The following PRKG1 variants were observed in gnomAD, a reference collection of about 807,000 sequenced individuals.
PRKG1 encodes the protein protein kinase cGMP-dependent 1, also known as cGMP-dependent protein kinase 1.
In PRKG1, 35 loss-of-function variants were observed where a neutral mutation model predicts 88.1. That is an observed-to-expected ratio of 0.40 (90% CI 0.30 to 0.53). The LOEUF is 0.53. PRKG1 is among the 20% of genes least tolerant of loss of function. The probability of loss-of-function intolerance (pLI) is 0.59; values close to 1 mark genes in which losing one functional copy is unlikely to be tolerated. For missense variants in PRKG1, 540 were observed against 839.8 expected, an observed-to-expected ratio of 0.64 and a Z score of 4.41; for synonymous variants, 303 against 292.5, an observed-to-expected ratio of 1.04 and a Z score of -0.37.
intron 2 of PRKG1, among the ~76,000 whole-genome samples, chr10:51,246,070 GT>G (rs1232426494): frequency 6.6e-6 from 1 of 152,052 alleles, no homozygotes; most frequent in African/African-American, 2.4e-5. Flanking sequence ...AGCCTCAAAG[GT>G]TTTGAGGAAG....
At chr10:51,113,518 C>A (rs968494987) in intron 1 of PRKG1, among the ~76,000 whole-genome samples, 3 of 152,074 alleles carry the variant, frequency 2.0e-5, no homozygotes, top group Admixed American at 6.6e-5. Flanking sequence ...GAAAAGTTAT[C>A]AAGTAAAAAC....
At chr10:51,488,492 T>C (rs1840608426) in intron 3 of PRKG1, among the ~76,000 whole-genome samples, 1 of 152,182 alleles carries the variant, frequency 6.6e-6, no homozygotes, top group Non-Finnish European at 1.5e-5. Context: ...GGAATGGAAA[T>C]ATTTTATTTG....
At chr10:51,026,104 C>T (rs979743915) in intron 1 of PRKG1, among the ~76,000 whole-genome samples, 1 of 152,080 alleles carries the variant, frequency 6.6e-6, no homozygotes, top group Non-Finnish European at 1.5e-5. Flanking sequence ...CAAAGATTGA[C>T]AGCAAACCAC....
chr10:51,676,642 TAA>T (rs1476867402), intron 3 of PRKG1, among the ~76,000 whole-genome samples: 6 of 152,158 alleles, frequency 3.9e-5, no homozygotes, highest in Non-Finnish European at 8.8e-5. Context: ...TCTGTGAAAA[TAA>T]AAGTCTGCTA....
intron 3 of PRKG1, among the ~76,000 whole-genome samples, chr10:51,670,629 G>A (rs1589180170): frequency 6.7e-6 from 1 of 148,490 alleles, no homozygotes; most frequent in East Asian, 1.9e-4. Context: ...CCAGCTACTT[G>A]GGAGGCTGAG....
chr10:51,130,575 T>C (rs1031101701), intron 1 of PRKG1, among the ~76,000 whole-genome samples: 1 of 141,848 alleles, frequency 7.0e-6, no homozygotes, highest in African/African-American at 2.7e-5. Context: ...ATCTACTTTT[T>C]TTTATTTTAT....
chr10:51,984,617 A>C (rs1220609841), intron 5 of PRKG1, among the ~76,000 whole-genome samples: 2 of 152,148 alleles, frequency 1.3e-5, no homozygotes, highest in Non-Finnish European at 2.9e-5. Flanking sequence ...ACTTCAAGGA[A>C]TTATTAATAC....
intron 9 of PRKG1, among the ~76,000 whole-genome samples, chr10:52,222,803 GTGC>G (rs762703912): frequency 7.2e-5 from 11 of 152,166 alleles, no homozygotes; most frequent in Non-Finnish European, 1.3e-4. Flanking sequence ...GTGTTTGGTG[GTGC>G]TGTTGATAGG....
intron 1 of PRKG1, among the ~76,000 whole-genome samples, chr10:51,103,210 G>A (rs1005364286): frequency 6.6e-6 from 1 of 152,058 alleles, no homozygotes; most frequent in East Asian, 1.9e-4. Context: ...ATAGAAGGGG[G>A]TCATTAAAGA....
rs182376682 is a variant in PRKG1, at chr10:51,947,184, A to T, written c.762+39614A>T. Among the ~76,000 whole-genome samples, 9 of 149,630 alleles carry T rather than the reference A, an allele frequency of 6.0e-5. No individual in the cohort carries two copies. In the South Asian group the frequency reaches 6.4e-4, roughly 11 times the overall value. ...GGGCAATGGCAGGCTCCCCTCCCCC[A>T]GCCTCGCTGCCGCCTTGCAGTTTGA... is the stretch of plus-strand genomic sequence containing the variant. On this transcript the variant is annotated intron_variant, in intron 5 of 17. Coordinates refer to ENST00000373980, the MANE Select transcript of PRKG1 (RefSeq NM_006258.4).
intron 5 of PRKG1, among the ~76,000 whole-genome samples, chr10:51,949,762 A>G (rs1174124443): frequency 6.6e-6 from 1 of 152,196 alleles, no homozygotes; most frequent in Non-Finnish European, 1.5e-5. Context: ...TTACCTGCAG[A>G]CATAAATTAA....
At chr10:52,196,043 C>T (rs546463779) in intron 9 of PRKG1, among the ~76,000 whole-genome samples, 5 of 152,052 alleles carry the variant, frequency 3.3e-5, no homozygotes, top group East Asian at 3.9e-4. Flanking sequence ...GATGGAGTCT[C>T]GCTCTGTTGC....
chr10:51,685,227 A>G (rs1840957807), intron 3 of PRKG1, among the ~76,000 whole-genome samples: 2 of 152,190 alleles, frequency 1.3e-5, no homozygotes, highest in Admixed American at 1.3e-4. Context: ...AGGGCTTGGA[A>G]GTCAGACAAA....
intron 2 of PRKG1, among the ~76,000 whole-genome samples, chr10:51,280,209 C>T (rs1369533357): frequency 6.6e-6 from 1 of 152,220 alleles, no homozygotes; most frequent in South Asian, 2.1e-4. Context: ...CCACTCTCTA[C>T]TGGCTTGTAG....
chr10:51,278,589 T>G (rs1840200352), intron 2 of PRKG1, among the ~76,000 whole-genome samples: 1 of 152,116 alleles, frequency 6.6e-6, no homozygotes, highest in Admixed American at 6.5e-5. Flanking sequence ...GGTCCTGGAC[T>G]TTTTTTGGTT....
Position 50,991,985 on chromosome 10 carries a change from G to T in PRKG1, c.266+341G>T, listed in dbSNP as rs1218334566. On this transcript the variant is annotated intron_variant, in intron 1 of 17. Transcript: ENST00000401604. The surrounding 1 kb of genome is among the most constrained non-coding windows in gnomAD (Gnocchi z 4.5). Reference sequence around the variant, plus strand: ...GCAGTCGCGCGGCTGTCCTTCGTGCGCCCCGCTGGGAGCGTCCACGCAGGG... The same window carrying T: ...GCAGTCGCGCGGCTGTCCTTCGTGCTCCCCGCTGGGAGCGTCCACGCAGGG... 2.0e-5 allele frequency among the ~76,000 whole-genome samples: 3 copies of T among 152,010 alleles called. No individual in the cohort carries two copies. The highest frequency in any genetic ancestry group is 7.2e-5 in the African/African-American group (3 of 41,410).
At chr10:51,392,641 G>T (rs1695786295) in intron 2 of PRKG1, among the ~76,000 whole-genome samples, 2 of 151,508 alleles carry the variant, frequency 1.3e-5, no homozygotes, top group Non-Finnish European at 3.0e-5. Context: ...TCAATGAGCT[G>T]TTGGGTACAC....
intron 14 of PRKG1, among the ~76,000 whole-genome samples, chr10:52,283,607 A>G (rs942976035): frequency 3.3e-5 from 5 of 152,138 alleles, no homozygotes; most frequent in African/African-American, 4.8e-5. Flanking sequence ...ATTGACTTCA[A>G]ATAAATTATG....
chr10:51,479,673 A>T (rs1840300295), intron 3 of PRKG1, among the ~76,000 whole-genome samples: 1 of 151,974 alleles, frequency 6.6e-6, no homozygotes, highest in Non-Finnish European at 1.5e-5. Context: ...CTTGAACTAG[A>T]ATATTTATAC....
Sources: gnomAD v4.1 joint callset for allele counts (sites outside exome capture counted in the v4.1 genomes callset) on GRCh38, gnomAD v4.1.1 for gene constraint, Gnocchi (gnomAD v3.1) non-coding constraint, MANE v1.5 for transcripts, NCBI Gene and HGNC (gene_info 2026-07-23, HGNC 2026-07-21) for gene names.